Variants in HCLS1 observed in about 807,000 individuals in gnomAD.
The protein encoded by HCLS1 is hematopoietic lineage cell-specific protein.
A neutral mutation model predicts 68.6 loss-of-function variants in HCLS1; 44 were observed. The ratio of observed to expected loss-of-function variants is 0.64; its 90% confidence interval spans 0.50 to 0.82. The LOEUF is 0.82. Among genes scored for constraint, HCLS1 ranks in the 40% least tolerant of loss-of-function variants. HCLS1 has a pLI of 0.00. For synonymous variants in HCLS1, 217 were observed against 225.8 expected, an observed-to-expected ratio of 0.96 and a Z score of 0.35; for missense variants, 602 against 612.1, an observed-to-expected ratio of 0.98 and a Z score of 0.17.
intron 6 of HCLS1, among the ~76,000 whole-genome samples, chr3:121,641,522 T>A (rs976792801): frequency 6.6e-6 from 1 of 152,220 alleles, no homozygotes; most frequent in Non-Finnish European, 1.5e-5. Flanking sequence ...TAAGTAATAA[T>A]AATGATTCAT....
chr3:121,645,054 A>C, intron 4 of HCLS1, 126 bp from the exon 5 acceptor site: 1 of 699,238 alleles, frequency 1.4e-6, no homozygotes, highest in Non-Finnish European at 2.5e-6. Context: ...AGCCTCTGAC[A>C]GTGGTGCCAA....
chr3:121,656,623 A>G (rs1420918108), intron 3 of HCLS1, among the ~76,000 whole-genome samples: 1 of 152,218 alleles, frequency 6.6e-6, no homozygotes, highest in African/African-American at 2.4e-5. Context: ...AATCTTAAAG[A>G]TCCCTGAACA....
At chr3:121,658,086 A>G (rs1937913115) in intron 2 of HCLS1, 178 bp downstream of exon 2, 1 of 581,598 alleles carries the variant, frequency 1.7e-6, no homozygotes, top group African/African-American at 1.9e-5. Context: ...CCCTGATACC[A>G]GGTATCGTGC....
intron 2 of HCLS1, among the ~76,000 whole-genome samples, chr3:121,657,803 G>A (rs1375054393): frequency 2.0e-5 from 3 of 152,066 alleles, no homozygotes. Flanking sequence ...CTCCAGCCTG[G>A]GTGACAGAGT....
chr3:121,644,714 G>A, intron 5 of HCLS1, 104 bp downstream of exon 5: 1 of 850,014 alleles, frequency 1.2e-6, no homozygotes, highest in Non-Finnish European at 2.1e-6. Context: ...AGCATCCACT[G>A]TCCTGTCTTT....
At chr3:121,653,872 T>TG (rs1937805457) in intron 3 of HCLS1, 2 of 152,250 alleles carry the variant, frequency 1.3e-5, no homozygotes, top group African/African-American at 4.8e-5. Flanking sequence ...ACTCAGTGTG[T>TG]GGTCCACAAG....
intron 5 of HCLS1, 38 bp from the exon 6 acceptor site, chr3:121,643,019 G>C: frequency 6.4e-7 from 1 of 1,573,250 alleles, no homozygotes; most frequent in Non-Finnish European, 8.7e-7. Flanking sequence ...TAGAGTCAGA[G>C]CTGACAGGTT....
intron 6 of HCLS1, among the ~76,000 whole-genome samples, chr3:121,639,336 C>T (rs1482648057): frequency 6.6e-6 from 1 of 152,116 alleles, no homozygotes; most frequent in Non-Finnish European, 1.5e-5. Flanking sequence ...AGTCTCAGTA[C>T]ATTTCAAAAG....
chr3:121,631,837 G>A lies in HCLS1; in HGVS notation c.*9C>T, dbSNP rs372129934. The A allele has an allele frequency of 9.9e-6, 16 of 1,613,970 alleles. No individual in the cohort carries two copies. The African/African-American group carries it at 1.9e-4, about 19-fold the overall frequency. On this transcript the variant is annotated 3_prime_UTR_variant, in exon 14 of 14. Coordinates refer to ENST00000314583, the MANE Select transcript of HCLS1 (RefSeq NM_005335.6). The stretch of plus-strand genomic sequence containing the variant: ...GGAAATCACAGTTGCAGTAGACAGT[G>A]AGCTCTAGTCACTCCAGAAGCTTGA...
At chr3:121,655,121 G>A (rs1424106966) in intron 3 of HCLS1, among the ~76,000 whole-genome samples, 2 of 152,154 alleles carry the variant, frequency 1.3e-5, no homozygotes, top group Non-Finnish European at 2.9e-5. Context: ...GATAGATTCA[G>A]TTAGGTTAAC....
At chr3:121,654,417 G>T (rs1424684848) in intron 3 of HCLS1, 1 of 152,152 alleles carries the variant, frequency 6.6e-6, no homozygotes, top group Non-Finnish European at 1.5e-5. Flanking sequence ...AAAAGTATCA[G>T]TCTGTGACAG....
At position 121,642,954 on chromosome 3, in the gene HCLS1, C is replaced by A. The variant is rs779098862; in HGVS notation, c.427G>T (p.Glu143Ter). ...KSAVGFDYKG[E>*]VEKHTSQKDY... ...TTCTGAGATGTGTGCTTCTCCACTT[C>A]TCCTTTATAATCAAAGCCGACTGCT... is the stretch of plus-strand genomic sequence containing the variant. The change falls in exon 6 of 14, where the codon GAA becomes TAA. Residue 143 changes from glutamate to a stop codon, truncating the protein, a stop_gained. Coordinates refer to ENST00000314583, the MANE Select transcript of HCLS1 (RefSeq NM_005335.6). LOFTEE classifies it high-confidence loss of function. 6.2e-7 allele frequency: 1 copy of A among 1,613,286 alleles called. No homozygotes were observed. Among genetic ancestry groups the A allele is most frequent in the South Asian group, 1.1e-5 (1 of 91,060 alleles).
chr3:121,638,989 T>C (rs2108859256), intron 6 of HCLS1, among the ~76,000 whole-genome samples: 1 of 148,952 alleles, frequency 6.7e-6, no homozygotes, highest in Admixed American at 6.7e-5. Flanking sequence ...GAGACCAGCC[T>C]GAGAAACATC....
At chr3:121,638,908 G>A (rs565227242) in intron 6 of HCLS1, among the ~76,000 whole-genome samples, 1 of 151,918 alleles carries the variant, frequency 6.6e-6, no homozygotes, top group African/African-American at 2.4e-5. Context: ...AAAAAACCAG[G>A]TGTGGTGAAT....
In HCLS1 at chr3:121,637,133, A is replaced by T; in HGVS notation, c.565+13T>A. 1 of 1,580,150 alleles carries T rather than the reference A, an allele frequency of 6.3e-7. No homozygotes were observed. Among genetic ancestry groups the T allele is most frequent in the East Asian group, 2.2e-5 (1 of 44,712 alleles). On this transcript the variant is annotated intron_variant, in intron 7 of 13. Coordinates refer to ENST00000314583, the MANE Select transcript of HCLS1 (RefSeq NM_005335.6). ...TGCTATCTGTGACCTTCCCCCTTCC[A>T]ACCCCAACTCACCTCTCTGGGACTC...
chr3:121,631,949 T>C lies in HCLS1; in HGVS notation c.1358A>G (p.Asp453Gly). The C allele has an allele frequency of 6.2e-7, 1 of 1,614,162 alleles. No homozygotes were observed. The highest frequency in any genetic ancestry group is 8.5e-7 in the Non-Finnish European group (1 of 1,180,016). ...GSDELSFDPD[D>G]VITDIEMVDE... is the part of the protein sequence containing the mutation. ...CACCATCTCAATGTCAGTGATTACG[T>C]CGTCCGGATCAAAGGAAAGCTCATC... Residue 453 changes from aspartate (D) to glycine (G), a missense_variant, in exon 14 of 14, where the codon GAC becomes GGC. Physicochemically the swap from Asp to Gly is moderately conservative, Grantham distance 94 (BLOSUM62 -1). Coordinates refer to ENST00000314583, the MANE Select transcript of HCLS1 (RefSeq NM_005335.6).
At chr3:121,637,407 A>G in intron 6 of HCLS1, 151 bp from the exon 7 acceptor site, 1 of 598,086 alleles carries the variant, frequency 1.7e-6, no homozygotes, top group Non-Finnish European at 3.0e-6. Context: ...AAGAGAAGCC[A>G]TGTCTTAAGT....
At chr3:121,647,562 G>A in intron 3 of HCLS1, 114 bp from the exon 4 acceptor site, 1 of 1,085,146 alleles carries the variant, frequency 9.2e-7, no homozygotes, top group South Asian at 1.5e-5. Flanking sequence ...TAATAACCTG[G>A]GCCCCCAAAA....
At chr3:121,632,044 CCT>C (rs2049102610) in intron 13 of HCLS1, 55 bp downstream of exon 13, 1 of 1,613,504 alleles carries the variant, frequency 6.2e-7, no homozygotes, top group Non-Finnish European at 8.5e-7. Flanking sequence ...CACATGTCCC[CCT>C]GTCTTATATC....
Sources: gnomAD v4.1 joint callset for allele counts (sites outside exome capture counted in the v4.1 genomes callset) on GRCh38, gnomAD v4.1.1 for gene constraint, MANE v1.5 for transcripts, NCBI Gene and HGNC (gene_info 2026-07-23, HGNC 2026-07-21) for gene names.